The following GPR158 variants were observed in gnomAD, a reference collection of about 807,000 sequenced individuals.
The protein encoded by GPR158 is G protein-coupled receptor 158.
In GPR158, 30 loss-of-function variants were observed where a neutral mutation model predicts 78.2. That is an observed-to-expected ratio of 0.38 (90% CI 0.29 to 0.52). The LOEUF (loss-of-function observed/expected upper bound fraction) is 0.52, where lower values mean the gene tolerates loss of function less well. GPR158 is among the 20% of genes least tolerant of loss of function. GPR158 has a pLI of 0.83. For missense variants in GPR158, 1,463 were observed against 1,523.5 expected (o/e 0.96, Z 0.66); for synonymous variants, 581 against 591.1 (o/e 0.98, Z 0.25).
At chr10:25,468,129 A>G (rs1835450508) in intron 5 of GPR158, among the ~76,000 whole-genome samples, 1 of 152,184 alleles carries the variant, frequency 6.6e-6, no homozygotes, top group South Asian at 2.1e-4. Context: ...AGCTAGCTAC[A>G]TTCTGACAGG....
intron 2 of GPR158, among the ~76,000 whole-genome samples, chr10:25,259,087 TGAGGAGGAG>T (rs1367136017): frequency 6.6e-6 from 1 of 152,080 alleles, no homozygotes; most frequent in South Asian, 2.1e-4. Flanking sequence ...TTGAATAGGC[TGAGGAGGAG>T]GAGGAAGAGG....
intron 2 of GPR158, among the ~76,000 whole-genome samples, chr10:25,260,254 T>C (rs535740229): frequency 6.6e-6 from 1 of 152,270 alleles, no homozygotes; most frequent in African/African-American, 2.4e-5. Context: ...GTGCTTGGTG[T>C]GATTCCTTGT....
chr10:25,332,416 G>A (rs530699613), intron 2 of GPR158, among the ~76,000 whole-genome samples: 28 of 152,252 alleles, frequency 1.8e-4, no homozygotes, highest in Admixed American at 1.6e-3. Flanking sequence ...ATAAAATCTA[G>A]TAAGAATTCA....
chr10:25,587,565 G>A lies in GPR158; in HGVS notation c.1754-1442G>A, dbSNP rs12265447. On this transcript the variant is annotated intron_variant, in intron 7 of 10. Coordinates refer to ENST00000376351, the MANE Select transcript of GPR158 (RefSeq NM_020752.3). Reference sequence around the variant, plus strand: ...TTCCATGGACAGAAATACAAGAGTTGGGAAAGGAAATTATACATGAAAATC... The same window carrying A: ...TTCCATGGACAGAAATACAAGAGTTAGGAAAGGAAATTATACATGAAAATC... Among the ~76,000 whole-genome samples, 1,451 of 152,204 alleles carry A rather than the reference G, an allele frequency of 9.5e-3. 33 individuals are homozygous for A. Among genetic ancestry groups the A allele is most frequent in the African/African-American group, 0.033 (1,377 of 41,516 alleles).
intron 2 of GPR158, among the ~76,000 whole-genome samples, chr10:25,226,777 T>A (rs1339976410): frequency 6.6e-6 from 1 of 152,234 alleles, no homozygotes; most frequent in Non-Finnish European, 1.5e-5. Flanking sequence ...GTTGAATTAA[T>A]GGAGATAATT....
intron 2 of GPR158, among the ~76,000 whole-genome samples, chr10:25,289,804 A>G (rs1244680872): frequency 6.6e-6 from 1 of 152,224 alleles, no homozygotes; most frequent in African/African-American, 2.4e-5. Context: ...TTAAGAAACA[A>G]TGTATCAAGG....
chr10:25,293,642 G>A (rs955108432), intron 2 of GPR158, among the ~76,000 whole-genome samples: 4 of 152,146 alleles, frequency 2.6e-5, no homozygotes, highest in Non-Finnish European at 4.4e-5. Context: ...ATAATCAGAT[G>A]CAGGATGTTT....
At chr10:25,465,093 A>G (rs1835404495) in intron 4 of GPR158, among the ~76,000 whole-genome samples, 1 of 152,004 alleles carries the variant, frequency 6.6e-6, no homozygotes, top group African/African-American at 2.4e-5. Flanking sequence ...CCCCACAGGG[A>G]TTTTTGGAAG....
chr10:25,532,231 C>T lies in GPR158; in HGVS notation c.1405-18745C>T, dbSNP rs948363108. 4.6e-5 allele frequency among the ~76,000 whole-genome samples: 7 copies of T among 152,090 alleles called. No individual in the cohort carries two copies. In the South Asian group the frequency reaches 6.2e-4, roughly 13 times the overall value. On this transcript the variant is annotated intron_variant, in intron 5 of 10. Transcript: ENST00000376351. ...GAGGTGGGTTTCGTTGTTTGTTTTTCACCAGAGAATGGTCTATGCAAGACT... is the reference window on the plus strand; with the variant it reads ...GAGGTGGGTTTCGTTGTTTGTTTTTTACCAGAGAATGGTCTATGCAAGACT...
intron 4 of GPR158, among the ~76,000 whole-genome samples, chr10:25,445,754 G>GGAGA (rs373248720): frequency 6.6e-5 from 10 of 151,298 alleles, no homozygotes; most frequent in African/African-American, 2.4e-4. Context: ...GGAGAGAGGG[G>GGAGA]GAGAGAGAGA....
intron 2 of GPR158, among the ~76,000 whole-genome samples, chr10:25,383,532 T>C (rs551334802): frequency 2.6e-5 from 4 of 152,200 alleles, no homozygotes; most frequent in Non-Finnish European, 5.9e-5. Flanking sequence ...TTTACCTGGA[T>C]GCCCTGAAAT....
At chr10:25,412,218 A>C (rs758672082) in intron 3 of GPR158, 32 bp from the exon 4 acceptor site, 1 of 1,465,880 alleles carries the variant, frequency 6.8e-7, no homozygotes, top group Non-Finnish European at 9.6e-7. Context: ...AAGAGGTGCA[A>C]ATGACACTGT....
chr10:25,368,189 C>T (rs893702406), intron 2 of GPR158, among the ~76,000 whole-genome samples: 1 of 151,834 alleles, frequency 6.6e-6, no homozygotes, highest in African/African-American at 2.4e-5. Flanking sequence ...CCTTACTTCC[C>T]TTCTCCAGTT....
chr10:25,376,693 T>C (rs1834085812), intron 2 of GPR158, among the ~76,000 whole-genome samples: 2 of 151,698 alleles, frequency 1.3e-5, no homozygotes, highest in African/African-American at 4.8e-5. Context: ...TGCTAAAAAG[T>C]TATTTCAGAT....
intron 2 of GPR158, among the ~76,000 whole-genome samples, chr10:25,332,798 A>C (rs557319488): frequency 1.3e-5 from 2 of 152,174 alleles, no homozygotes; most frequent in Non-Finnish European, 2.9e-5. Flanking sequence ...AAAATTCGAC[A>C]CTAATCTTAG....
chr10:25,535,107 A>G (rs887938376), intron 5 of GPR158, among the ~76,000 whole-genome samples: 1 of 152,186 alleles, frequency 6.6e-6, no homozygotes, highest in African/African-American at 2.4e-5. Flanking sequence ...TTCCTCTTAC[A>G]TCATTTGCTT....
At chr10:25,455,938 C>A (rs1385166100) in intron 4 of GPR158, among the ~76,000 whole-genome samples, 2 of 151,968 alleles carry the variant, frequency 1.3e-5, no homozygotes, top group Non-Finnish European at 2.9e-5. Flanking sequence ...TTTATGATAC[C>A]CATTTGGCAG....
At chr10:25,407,770 C>G (rs1188390316) in intron 3 of GPR158, among the ~76,000 whole-genome samples, 1 of 152,110 alleles carries the variant, frequency 6.6e-6, no homozygotes, top group African/African-American at 2.4e-5. Context: ...TACTGTGGTC[C>G]CAGCCACTAT....
chr10:25,596,560 GATATAGGTATAGA>G lies in GPR158; in HGVS notation c.1999-82_1999-70del. On this transcript the variant is annotated intron_variant, in intron 9 of 10. Transcript: ENST00000376351. ...AGGTATAGATATAGATACCTATATA[GATATAGGTATAGA>G]TATAGATATAGATATATGCAATGCG... is the stretch of plus-strand genomic sequence containing the variant. 9.2e-6 allele frequency: 8 copies of G among 865,562 alleles called. No individual in the cohort carries two copies. The South Asian group carries it at 1.0e-4, about 11-fold the overall frequency. 53.6% of individuals were successfully genotyped at this position (865,562 alleles called of 1,614,324 possible).
Sources: allele counts gnomAD v4.1 joint callset (sites outside exome capture counted in the v4.1 genomes callset), GRCh38; gene constraint gnomAD v4.1.1; transcripts MANE v1.5; gene names NCBI Gene and HGNC (gene_info 2026-07-23, HGNC 2026-07-21).